The following GALNT10 variants were observed in gnomAD, a reference collection of about 807,000 sequenced individuals.
GALNT10 encodes the protein polypeptide N-acetylgalactosaminyltransferase 10, also known as GalNAc transferase 10.
Under a neutral mutation model 75.0 loss-of-function variants are expected in GALNT10, and 41 were observed. The observed-to-expected ratio is 0.55, with a 90% CI of 0.43 to 0.71. The LOEUF (loss-of-function observed/expected upper bound fraction) is 0.71. Ranked by LOEUF, GALNT10 falls within the 30% of genes least tolerant of loss-of-function variation. The pLI is 0.00. For missense variants in GALNT10, 727 were observed against 818.5 expected, an observed-to-expected ratio of 0.89 and a Z score of 1.36; for synonymous variants, 302 against 313.0, an observed-to-expected ratio of 0.96 and a Z score of 0.37.
chr5:154,256,162 T>C (rs1753605952), intron 1 of GALNT10, among the ~76,000 whole-genome samples: 1 of 152,082 alleles, frequency 6.6e-6, no homozygotes, highest in Admixed American at 6.6e-5. Flanking sequence ...TTTAAGAGAC[T>C]GGAAGGTGGA....
At chr5:154,261,428 A>G (rs144015074) in intron 1 of GALNT10, among the ~76,000 whole-genome samples, 1 of 152,170 alleles carries the variant, frequency 6.6e-6, no homozygotes, top group Non-Finnish European at 1.5e-5. Context: ...AGATCCCTTG[A>G]GTCTTATCTG....
intron 5 of GALNT10, among the ~76,000 whole-genome samples, chr5:154,377,492 C>T (rs1422665): frequency 0.23 from 34,509 of 152,174 alleles, 4,130 homozygotes; most frequent in Middle Eastern, 0.3. Context: ...GATGCTGGCC[C>T]CTATCCACAA....
intron 7 of GALNT10, chr5:154,387,340 C>G (rs1210367691): frequency 6.6e-6 from 1 of 152,218 alleles, no homozygotes; most frequent in Non-Finnish European, 1.5e-5. Flanking sequence ...TTAGCTTGTC[C>G]CATGCCCTTG....
At chr5:154,378,883 G>T (rs1033882794) in intron 5 of GALNT10, among the ~76,000 whole-genome samples, 2 of 152,152 alleles carry the variant, frequency 1.3e-5, no homozygotes, top group African/African-American at 2.4e-5. Flanking sequence ...CATGAAGTCC[G>T]CTGAACGGCC....
At chr5:154,292,790 A>C (rs1754213838) in intron 1 of GALNT10, among the ~76,000 whole-genome samples, 1 of 152,210 alleles carries the variant, frequency 6.6e-6, no homozygotes. Context: ...TGTTGCTCTG[A>C]TTGAAGAGCA....
chr5:154,307,005 TAGAAAAAG>T (rs764793607), intron 3 of GALNT10, among the ~76,000 whole-genome samples: 27 of 152,198 alleles, frequency 1.8e-4, no homozygotes, highest in Non-Finnish European at 2.4e-4. Flanking sequence ...TCTAACCAGC[TAGAAAAAG>T]AGAAAAAGAA....
At chr5:154,265,818 C>G (rs760306052) in intron 1 of GALNT10, among the ~76,000 whole-genome samples, 1 of 152,076 alleles carries the variant, frequency 6.6e-6, no homozygotes, top group Admixed American at 6.6e-5. Flanking sequence ...TTACCCAGCT[C>G]CCAGATGGCC....
intron 1 of GALNT10, among the ~76,000 whole-genome samples, chr5:154,271,558 G>A (rs768821965): frequency 1.6e-4 from 25 of 152,348 alleles, no homozygotes; most frequent in Non-Finnish European, 2.5e-4. Context: ...AAGGGGTTGT[G>A]TGTGGGTGTG....
chr5:154,360,913 T>C (rs1370606708), intron 4 of GALNT10, among the ~76,000 whole-genome samples: 1 of 152,248 alleles, frequency 6.6e-6, no homozygotes, highest in Non-Finnish European at 1.5e-5. Context: ...CTTAATCCTT[T>C]ATAGGCTAAA....
intron 1 of GALNT10, among the ~76,000 whole-genome samples, chr5:154,245,044 A>T (rs1316587535): frequency 6.6e-6 from 1 of 152,226 alleles, no homozygotes; most frequent in African/African-American, 2.4e-5. Context: ...CTGGAAGCTC[A>T]TGCAGCAAAA....
intron 4 of GALNT10, among the ~76,000 whole-genome samples, chr5:154,335,037 C>G (rs2113124114): frequency 6.6e-6 from 1 of 152,302 alleles, no homozygotes; most frequent in South Asian, 2.1e-4. Flanking sequence ...ACCTCTATTC[C>G]CCATTTCTTG....
At chr5:154,244,834 G>A (rs1753395879) in intron 1 of GALNT10, among the ~76,000 whole-genome samples, 1 of 152,194 alleles carries the variant, frequency 6.6e-6, no homozygotes, top group Non-Finnish European at 1.5e-5. Flanking sequence ...TAGGCAAATG[G>A]AGGTTGGGAC....
At chr5:154,382,571 G>A (rs1755749460) in intron 6 of GALNT10, among the ~76,000 whole-genome samples, 1 of 152,126 alleles carries the variant, frequency 6.6e-6, no homozygotes, top group South Asian at 2.1e-4. Flanking sequence ...AATAATGTAG[G>A]ATCCTCAGGT....
intron 1 of GALNT10, among the ~76,000 whole-genome samples, chr5:154,248,532 G>C (rs1437084852): frequency 6.6e-6 from 1 of 152,206 alleles, no homozygotes; most frequent in Non-Finnish European, 1.5e-5. Flanking sequence ...TCCTGGTTTA[G>C]TCTTGGGAGG....
intron 5 of GALNT10, among the ~76,000 whole-genome samples, chr5:154,378,889 C>T (rs1406845587): frequency 6.6e-6 from 1 of 152,156 alleles, no homozygotes; most frequent in Non-Finnish European, 1.5e-5. Context: ...GTCCGCTGAA[C>T]GGCCATGAAC....
chr5:154,312,127 T>C (rs774156940), intron 3 of GALNT10, among the ~76,000 whole-genome samples: 16 of 152,128 alleles, frequency 1.1e-4, no homozygotes, highest in Non-Finnish European at 1.8e-4. Context: ...TTCTAAGTGG[T>C]GTTGGCCTTG....
At chr5:154,311,938 C>T (rs1237946261) in intron 3 of GALNT10, among the ~76,000 whole-genome samples, 1 of 152,048 alleles carries the variant, frequency 6.6e-6, no homozygotes, top group Admixed American at 6.6e-5. Flanking sequence ...AATCTGAATC[C>T]TCTGTCCATG....
chr5:154,216,879 C>A (rs1752881651), intron 1 of GALNT10, among the ~76,000 whole-genome samples: 1 of 152,126 alleles, frequency 6.6e-6, no homozygotes, highest in African/African-American at 2.4e-5. Flanking sequence ...TGTGAGTAGA[C>A]CCTGGCAGCT....
chr5:154,219,625 G>T (rs771309571), intron 1 of GALNT10: 2 of 152,178 alleles, frequency 1.3e-5, no homozygotes, highest in African/African-American at 2.4e-5. Context: ...TGCCACCTTA[G>T]TCCTCCAGAT....
Sources: gnomAD v4.1 joint callset for allele counts (sites outside exome capture counted in the v4.1 genomes callset) on GRCh38, gnomAD v4.1.1 for gene constraint, MANE v1.5 for transcripts, NCBI Gene and HGNC (gene_info 2026-07-23, HGNC 2026-07-21) for gene names.